The following FAT3 variants were observed in gnomAD, a reference collection of about 807,000 sequenced individuals.
The protein encoded by FAT3 is protocadherin Fat 3.
In FAT3, 95 loss-of-function variants were observed where a neutral mutation model predicts 310.2. The observed-to-expected ratio is 0.31, with a 90% CI of 0.26 to 0.36. The LOEUF (loss-of-function observed/expected upper bound fraction) is 0.36, where lower values mean the gene tolerates loss of function less well. Among genes scored for constraint, FAT3 ranks in the 10% least tolerant of loss-of-function variants. The pLI is 1.00. For synonymous variants in FAT3, 2,314 were observed against 2,192.9 expected (o/e 1.06, Z -1.54); for missense variants, 5,408 against 5,715.6 (o/e 0.95, Z 1.74).
intron 4 of FAT3, among the ~76,000 whole-genome samples, chr11:92,761,027 A>T (rs1187557979): frequency 6.6e-6 from 1 of 152,250 alleles, no homozygotes; most frequent in Admixed American, 6.5e-5. Flanking sequence ...ACAGTGGAAC[A>T]TATATCATAG....
chr11:92,716,998 A>G (rs558430141), intron 4 of FAT3, among the ~76,000 whole-genome samples: 1 of 152,306 alleles, frequency 6.6e-6, no homozygotes, highest in South Asian at 2.1e-4. Context: ...TGAATGATCT[A>G]GAGCAAATTC....
Position 92,890,929 on chromosome 11 carries a change from G to A in FAT3, c.13586G>A (p.Gly4529Asp), listed in dbSNP as rs771743949. ...VSMNQGTEPT[G>D]PADSVSLSLH... is the part of the protein sequence containing the mutation. ...ATGAACCAGGGCACAGAGCCCACAG[G>A]CCCAGCAGACAGCGTGTCTCTGTCC... is the stretch of plus-strand genomic sequence containing the variant. Residue 4529 changes from glycine to aspartate, a missense_variant, in exon 28 of 28, where the codon GGC becomes GAC. Physicochemically the swap from Gly to Asp is moderately conservative, Grantham distance 94 (BLOSUM62 -1). Coordinates refer to ENST00000525166, the MANE Select transcript of FAT3 (RefSeq NM_001367949.2). 7 of 1,614,028 alleles carry A rather than the reference G, an allele frequency of 4.3e-6. 1 individual carries two copies. In the South Asian group the frequency reaches 6.6e-5, roughly 15 times the overall value.
intron 3 of FAT3, among the ~76,000 whole-genome samples, chr11:92,560,065 C>T (rs1955167500): frequency 6.6e-6 from 1 of 152,206 alleles, no homozygotes; most frequent in African/African-American, 2.4e-5. Context: ...CACCATTATA[C>T]ATCCCACTAT....
intron 2 of FAT3, among the ~76,000 whole-genome samples, chr11:92,363,315 G>T (rs1948926629): frequency 6.6e-6 from 1 of 152,104 alleles, no homozygotes; most frequent in South Asian, 2.1e-4. Context: ...GAGCTGTATT[G>T]TTTGAAAAAA....
chr11:92,853,186 A>G (rs1467055064), intron 19 of FAT3, among the ~76,000 whole-genome samples: 1 of 152,202 alleles, frequency 6.6e-6, no homozygotes, highest in East Asian at 1.9e-4. Context: ...ATGAGCAAGC[A>G]TGGGGTTCGG....
chr11:92,604,283 T>C (rs1940170340), intron 3 of FAT3, among the ~76,000 whole-genome samples: 1 of 152,156 alleles, frequency 6.6e-6, no homozygotes, highest in Non-Finnish European at 1.5e-5. Flanking sequence ...TGAGTAGAGA[T>C]TATTTTCTTC....
At chr11:92,795,878 A>C (rs1947157481) in intron 9 of FAT3, among the ~76,000 whole-genome samples, 2 of 152,174 alleles carry the variant, frequency 1.3e-5, no homozygotes, top group Non-Finnish European at 2.9e-5. Context: ...ACTGCACTCC[A>C]GCCTGGATGA....
chr11:92,524,468 A>T (rs77990338), intron 2 of FAT3, among the ~76,000 whole-genome samples, 166 bp from the exon 3 acceptor site: 2,442 of 152,270 alleles, frequency 0.016, 70 homozygotes, highest in African/African-American at 0.055. Context: ...TCCTGCTGAA[A>T]ATCATTTTCT....
chr11:92,338,527 A>T, intron 1 of FAT3, among the ~76,000 whole-genome samples: 1 of 152,128 alleles, frequency 6.6e-6, no homozygotes, highest in East Asian at 1.9e-4. Context: ...GAGTAAAATG[A>T]TTTCCTCAAA....
intron 12 of FAT3, 78 bp downstream of exon 12, chr11:92,806,593 A>G: frequency 8.0e-7 from 1 of 1,247,250 alleles, no homozygotes; most frequent in South Asian, 1.5e-5. Flanking sequence ...TCTCATCACT[A>G]GTAAATAGTT....
chr11:92,428,113 G>C (rs1035701414), intron 2 of FAT3, among the ~76,000 whole-genome samples: 35 of 152,044 alleles, frequency 2.3e-4, no homozygotes, highest in African/African-American at 8.0e-4. Flanking sequence ...GAGGGTGTAT[G>C]TGTCCAGGAA....
At chr11:92,428,919 A>T (rs1301669404) in intron 2 of FAT3, among the ~76,000 whole-genome samples, 2 of 152,146 alleles carry the variant, frequency 1.3e-5, no homozygotes, top group Non-Finnish European at 2.9e-5. Flanking sequence ...GCTGAGTTCA[A>T]GTCCTGAATA....
chr11:92,843,278 T>TA (rs1565642590), intron 18 of FAT3, among the ~76,000 whole-genome samples: 8 of 152,284 alleles, frequency 5.3e-5, no homozygotes, highest in African/African-American at 1.9e-4. Context: ...CCCATGGGAA[T>TA]CTGCCCTTCT....
chr11:92,522,857 G>A (rs189619836), intron 2 of FAT3, among the ~76,000 whole-genome samples: 20 of 152,212 alleles, frequency 1.3e-4, no homozygotes, highest in Admixed American at 3.9e-4. Flanking sequence ...CTGCGAATAT[G>A]GTCTTCTCAT....
chr11:92,590,760 G>A (rs1175504165), intron 3 of FAT3, among the ~76,000 whole-genome samples: 2 of 152,144 alleles, frequency 1.3e-5, no homozygotes, highest in African/African-American at 2.4e-5. Context: ...GTTTGCTGAT[G>A]CTGAGGAACA....
intron 7 of FAT3, among the ~76,000 whole-genome samples, chr11:92,781,183 T>A (rs1430360551): frequency 6.7e-6 from 1 of 149,444 alleles, no homozygotes; most frequent in East Asian, 2.0e-4. Flanking sequence ...CAAGCAATTC[T>A]CCTGCCCTCC....
At chr11:92,741,046 T>G (rs1945493052) in intron 4 of FAT3, among the ~76,000 whole-genome samples, 1 of 151,848 alleles carries the variant, frequency 6.6e-6, no homozygotes, top group Non-Finnish European at 1.5e-5. Flanking sequence ...GAAAGATATA[T>G]ATATATTTTT....
intron 3 of FAT3, among the ~76,000 whole-genome samples, chr11:92,594,983 A>C (rs1939628682): frequency 6.9e-6 from 1 of 145,040 alleles, no homozygotes; most frequent in African/African-American, 2.7e-5. Context: ...GAATACATAT[A>C]GACTCATGAA....
chr11:92,510,557 C>A (rs1317503981), intron 2 of FAT3, among the ~76,000 whole-genome samples: 2 of 152,058 alleles, frequency 1.3e-5, no homozygotes, highest in Non-Finnish European at 2.9e-5. Context: ...CATTTGGAAT[C>A]CTATAAAAAT....
Sources: gnomAD v4.1 joint callset for allele counts (sites outside exome capture counted in the v4.1 genomes callset) on GRCh38, gnomAD v4.1.1 for gene constraint, MANE v1.5 for transcripts, NCBI Gene and HGNC (gene_info 2026-07-23, HGNC 2026-07-21) for gene names.